Variants in CELSR1 observed in about 807,000 individuals in gnomAD.
CELSR1 encodes cadherin EGF LAG seven-pass G-type receptor 1.
CELSR1 carries 110 observed loss-of-function variants against 249.1 expected under a neutral mutation model. The ratio of observed to expected loss-of-function variants is 0.44; its 90% CI spans 0.38 to 0.52. CELSR1 has a LOEUF of 0.52. CELSR1 is among the 20% of genes least tolerant of loss of function. The pLI is 0.00. For synonymous variants in CELSR1, 2,113 were observed against 1,900.0 expected (o/e 1.11, Z -2.92); for missense variants, 4,109 against 4,296.4 (o/e 0.96, Z 1.22).
At chr22:46,425,058 G>C (rs2079521855) in intron 5 of CELSR1, among the ~76,000 whole-genome samples, 1 of 152,240 alleles carries the variant, frequency 6.6e-6, no homozygotes. Context: ...CCACTCAGCA[G>C]AGTGAGAAGT....
chr22:46,535,932 C>G lies in CELSR1; in HGVS notation c.1239G>C (p.Ala413=). 6.2e-7 allele frequency: 1 copy of G among 1,609,750 alleles called. No individual in the cohort carries two copies. Among genetic ancestry groups the G allele is most frequent in the Non-Finnish European group, 8.5e-7 (1 of 1,179,746 alleles). ...CGGCCGCCTCCTCCCGGTCCAGCAC[C>G]GCCCGTGTGCTCACCACGCCAGAGC... is the stretch of plus-strand genomic sequence containing the variant. ...NESSGVVSTR[A]VLDREEAAEY... is the part of the protein sequence containing the mutation. Residue 413 remains alanine (A), a synonymous_variant, in exon 1 of 35, where the codon GCG becomes GCC. Transcript: ENST00000674500.
At chr22:46,504,514 A>C (rs1019670199) in intron 1 of CELSR1, among the ~76,000 whole-genome samples, 3 of 90,784 alleles carry the variant, frequency 3.3e-5, no homozygotes, top group African/African-American at 7.6e-5. Context: ...CAAAAAAAAA[A>C]AAAAAACAAA....
chr22:46,513,415 C>T (rs139677580), intron 1 of CELSR1, among the ~76,000 whole-genome samples: 1 of 152,058 alleles, frequency 6.6e-6, no homozygotes, highest in Non-Finnish European at 1.5e-5. Flanking sequence ...CTGACCATAC[C>T]AAGAAGTCCA....
At chr22:46,494,199 C>A (rs1281835278) in intron 1 of CELSR1, among the ~76,000 whole-genome samples, 1 of 152,182 alleles carries the variant, frequency 6.6e-6, no homozygotes, top group African/African-American at 2.4e-5. Context: ...TCCTTGGCCA[C>A]TCTTAATGAC....
At chr22:46,456,454 T>C (rs1323534753) in intron 2 of CELSR1, among the ~76,000 whole-genome samples, 2 of 151,796 alleles carry the variant, frequency 1.3e-5, no homozygotes, top group Non-Finnish European at 1.5e-5. Context: ...GGTCAGGAGA[T>C]CGAGACCGTC....
chr22:46,386,895 A>C (rs2079039916), intron 18 of CELSR1, among the ~76,000 whole-genome samples: 1 of 152,122 alleles, frequency 6.6e-6, no homozygotes, highest in Non-Finnish European at 1.5e-5. Flanking sequence ...CTGGGATTAC[A>C]GGCACACATG....
chr22:46,536,921 GC>G lies in CELSR1; in HGVS notation c.249del (p.Arg84AlafsTer18). 1 of 1,174,076 alleles carries G rather than the reference GC, an allele frequency of 8.5e-7. No individual in the cohort carries two copies. Among genetic ancestry groups the G allele is most frequent in the Non-Finnish European group, 1.1e-6 (1 of 951,532 alleles). The allele number at this position is 1,174,076 out of a possible 1,614,324, so 72.7% of individuals were successfully genotyped here. On this transcript the variant is annotated frameshift_variant, in exon 1 of 35. Coordinates refer to ENST00000674500, the MANE Select transcript of CELSR1 (RefSeq NM_001378328.1). LOFTEE classifies it high-confidence loss of function. ...AAGCGGACTTGCAGCGGCAGCGGGC[GC>G]CCCGCGCCCGAGACGCGCCGACGTC... ...LAGRRRVSGA[G>X]RPLPLQVRLV...
In CELSR1 at chr22:46,408,107, G is replaced by A. The variant is rs935571941; in HGVS notation, c.5226+889C>T. On this transcript the variant is annotated intron_variant, in intron 9 of 34. Transcript: ENST00000674500. The surrounding 1 kb of genome is among the most constrained non-coding windows in gnomAD (Gnocchi z 4.6). ...AGCATGGAAGATGCGAGCAGAAACC[G>A]TGTGGCGCAGAAAACCGGAGGAAAG... Among the ~76,000 whole-genome samples, 3 of 152,242 alleles carry A rather than the reference G, an allele frequency of 2.0e-5. No individual in the cohort carries two copies. Among genetic ancestry groups the A allele is most frequent in the African/African-American group, 4.8e-5 (2 of 41,464 alleles).
chr22:46,536,006 G>A lies in CELSR1; in HGVS notation c.1165C>T (p.Arg389Cys), dbSNP rs756239490. 1.2e-6 allele frequency: 2 copies of A among 1,610,584 alleles called. No individual in the cohort carries two copies. Among genetic ancestry groups the A allele is most frequent in the East Asian group, 2.2e-5 (1 of 44,894 alleles). Residue 389 changes from arginine to cysteine, a missense_variant, in exon 1 of 35, where the codon CGT becomes TGT. Transcript: ENST00000674500. ...DRDSPINANL[R>C]YRVLGGAWDV... ...CACGCGCCCCCCAACACGCGGTAAC[G>A]CAAGTTGGCGTTGATGGGCGAGTCG...
At chr22:46,530,378 A>C (rs948056309) in intron 1 of CELSR1, 1 of 149,656 alleles carries the variant, frequency 6.7e-6, no homozygotes, top group East Asian at 1.9e-4. Flanking sequence ...ATTATATATA[A>C]ATTGTTTTTC....
chr22:46,369,496 C>T (rs749903515), intron 26 of CELSR1, among the ~76,000 whole-genome samples, 196 bp downstream of exon 26: 2 of 152,202 alleles, frequency 1.3e-5, no homozygotes, highest in African/African-American at 2.4e-5. Flanking sequence ...CATGCGGACA[C>T]GACGCGAGAC....
At chr22:46,416,011 T>G (rs1217587249) in intron 5 of CELSR1, among the ~76,000 whole-genome samples, 6 of 151,098 alleles carry the variant, frequency 4.0e-5, no homozygotes. Flanking sequence ...CTCCCGACTG[T>G]GGGGTGGCGT....
intron 1 of CELSR1, chr22:46,481,440 A>C: frequency 6.3e-7 from 1 of 1,576,276 alleles, no homozygotes; most frequent in Non-Finnish European, 8.7e-7. Context: ...GCTTCAACTG[A>C]AGCTCCTTAC....
At chr22:46,486,882 G>A (rs1340926176) in intron 1 of CELSR1, among the ~76,000 whole-genome samples, 2 of 152,042 alleles carry the variant, frequency 1.3e-5, no homozygotes, top group African/African-American at 2.4e-5. Flanking sequence ...ATCAGGACAC[G>A]TCCACACAGG....
At chr22:46,482,645 G>A (rs933040660) in intron 1 of CELSR1, among the ~76,000 whole-genome samples, 4 of 152,046 alleles carry the variant, frequency 2.6e-5, no homozygotes, top group Non-Finnish European at 5.9e-5. Flanking sequence ...AACCCAGGAG[G>A]CAAAGGTTGC....
At chr22:46,392,904 G>A (rs1212227286) in intron 14 of CELSR1, among the ~76,000 whole-genome samples, 2 of 152,168 alleles carry the variant, frequency 1.3e-5, no homozygotes, top group African/African-American at 2.4e-5. Context: ...TTTCGCCAAT[G>A]CACTCCCCAT....
intron 2 of CELSR1, among the ~76,000 whole-genome samples, chr22:46,459,034 A>C (rs1268691685): frequency 1.3e-5 from 2 of 151,522 alleles, no homozygotes; most frequent in Non-Finnish European, 2.9e-5. Flanking sequence ...CTGGGACTAC[A>C]GGCGTGTGCC....
In CELSR1 at chr22:46,534,861, C is replaced by T. The variant is rs1323241545; in HGVS notation, c.2310G>A (p.Ser770=). 3 of 1,612,766 alleles carry T rather than the reference C, an allele frequency of 1.9e-6. No homozygotes were observed. Among genetic ancestry groups the T allele is most frequent in the Non-Finnish European group, 2.5e-6 (3 of 1,179,974 alleles). ...LAVTASDGTR[S]HTAHVLINVT... ...CGTTGATTAGGACATGCGCAGTGTG[C>T]GACCGTGTGCCGTCGGATGCTGTCA... The change falls in exon 1 of 35, where the codon TCG becomes TCA. Residue 770 remains serine, a synonymous_variant. Coordinates refer to ENST00000674500, the MANE Select transcript of CELSR1 (RefSeq NM_001378328.1). The surrounding 1 kb of genome is among the most constrained non-coding windows in gnomAD (Gnocchi z 9.7).
chr22:46,514,453 G>C (rs986439145), intron 1 of CELSR1, among the ~76,000 whole-genome samples: 1 of 152,164 alleles, frequency 6.6e-6, no homozygotes, highest in African/African-American at 2.4e-5. Context: ...CTGATCCCCG[G>C]GGGCCCAAGG....
Sources: allele counts gnomAD v4.1 joint callset (sites outside exome capture counted in the v4.1 genomes callset), GRCh38; gene constraint gnomAD v4.1.1; non-coding constraint Gnocchi (gnomAD v3.1); transcripts MANE v1.5; gene names NCBI Gene and HGNC (gene_info 2026-07-23, HGNC 2026-07-21).